ERBB4: variants seen among roughly 807,000 people sequenced by gnomAD.
ERBB4 encodes receptor tyrosine-protein kinase erbB-4.
A neutral mutation model predicts 158.0 loss-of-function variants in ERBB4; 42 were observed. That is an observed-to-expected ratio of 0.27 (90% confidence interval 0.21 to 0.34). The LOEUF (loss-of-function observed/expected upper bound fraction) is 0.34, where lower values mean the gene tolerates loss of function less well. ERBB4 is among the 10% of genes least tolerant of loss of function. ERBB4 has a pLI of 1.00. For synonymous variants in ERBB4, 583 were observed against 558.7 expected (o/e 1.04, Z -0.61); for missense variants, 1,333 against 1,624.1 (o/e 0.82, Z 3.08).
intron 1 of ERBB4, among the ~76,000 whole-genome samples, chr2:212,470,331 G>GA (rs889728537): frequency 1.3e-4 from 20 of 149,844 alleles, no homozygotes; most frequent in African/African-American, 2.7e-4. Flanking sequence ...GCTTTGAGGT[G>GA]AAAAAAAAAT....
intron 20 of ERBB4, among the ~76,000 whole-genome samples, chr2:211,454,544 T>A (rs1431346688): frequency 1.3e-5 from 2 of 150,894 alleles, no homozygotes; most frequent in Non-Finnish European, 3.0e-5. Context: ...CAAATGCATT[T>A]CTCTCTCTCT....
intron 13 of ERBB4, among the ~76,000 whole-genome samples, chr2:211,675,789 A>ATT (rs1474467035): frequency 2.9e-5 from 1 of 34,330 alleles, no homozygotes; most frequent in African/African-American, 7.7e-5. Context: ...ATAAAATATA[A>ATT]TATTATATAT....
At chr2:211,727,782 T>C (rs1297082904) in intron 5 of ERBB4, among the ~76,000 whole-genome samples, 3 of 152,028 alleles carry the variant, frequency 2.0e-5, no homozygotes, top group African/African-American at 7.2e-5. Context: ...TTATTCTCTA[T>C]GTAGTACAAC....
chr2:212,382,291 TATAC>T (rs2090529786), intron 1 of ERBB4, among the ~76,000 whole-genome samples: 1 of 150,272 alleles, frequency 6.7e-6, no homozygotes, highest in Admixed American at 6.7e-5. Flanking sequence ...CATACACATG[TATAC>T]ATATTCATAT....
intron 1 of ERBB4, among the ~76,000 whole-genome samples, chr2:212,432,406 ATAGT>A (rs2092049503): frequency 6.6e-6 from 1 of 152,118 alleles, no homozygotes; most frequent in Non-Finnish European, 1.5e-5. Context: ...TAAATAGTAA[ATAGT>A]TAGGATCATG....
At chr2:212,407,397 C>G (rs2091377468) in intron 1 of ERBB4, among the ~76,000 whole-genome samples, 1 of 151,928 alleles carries the variant, frequency 6.6e-6, no homozygotes, top group Admixed American at 6.6e-5. Context: ...CAATACATAA[C>G]TAACATTATT....
At chr2:211,411,507 C>G (rs570506362) in intron 25 of ERBB4, among the ~76,000 whole-genome samples, 53 of 152,254 alleles carry the variant, frequency 3.5e-4, no homozygotes, top group Non-Finnish European at 6.6e-4. Context: ...AGGAGAGGAG[C>G]TCTTTCTTAA....
intron 12 of ERBB4, among the ~76,000 whole-genome samples, chr2:211,682,380 G>C (rs2072383951): frequency 6.6e-6 from 1 of 152,066 alleles, no homozygotes; most frequent in Non-Finnish European, 1.5e-5. Context: ...TGGACCCTCA[G>C]TGTACCAGAT....
intron 1 of ERBB4, among the ~76,000 whole-genome samples, chr2:212,343,451 G>C (rs2088821233): frequency 6.6e-6 from 1 of 152,144 alleles, no homozygotes; most frequent in Non-Finnish European, 1.5e-5. Flanking sequence ...TTCCCTGTTA[G>C]AGTCAAAAGG....
chr2:212,334,732 C>T (rs528196874), intron 1 of ERBB4, among the ~76,000 whole-genome samples: 2 of 152,050 alleles, frequency 1.3e-5, no homozygotes, highest in South Asian at 4.1e-4. Flanking sequence ...AGCTACCTCT[C>T]AAGATTCATA....
intron 1 of ERBB4, among the ~76,000 whole-genome samples, chr2:212,513,814 A>AAAAT (rs144146912): frequency 0.076 from 11,477 of 151,844 alleles, 1,058 homozygotes; most frequent in African/African-American, 0.22. Flanking sequence ...TCCGTCTCAA[A>AAAAT]AAATAAATAA....
chr2:212,156,849 C>T (rs1228041037), intron 1 of ERBB4, among the ~76,000 whole-genome samples: 1 of 152,054 alleles, frequency 6.6e-6, no homozygotes. Context: ...GCTTCTATCT[C>T]CCTAATATCC....
At chr2:212,179,132 A>G (rs1159835558) in intron 1 of ERBB4, among the ~76,000 whole-genome samples, 1 of 151,604 alleles carries the variant, frequency 6.6e-6, no homozygotes, top group Non-Finnish European at 1.5e-5. Flanking sequence ...GAGTATGTAA[A>G]GCTCCTATGT....
intron 2 of ERBB4, among the ~76,000 whole-genome samples, chr2:212,112,290 A>T (rs2125542561): frequency 6.6e-6 from 1 of 152,164 alleles, no homozygotes; most frequent in East Asian, 1.9e-4. Flanking sequence ...CTGAATAGCA[A>T]AGGAGGTGAA....
chr2:212,344,508 G>T (rs1178260432), intron 1 of ERBB4, among the ~76,000 whole-genome samples: 2 of 151,818 alleles, frequency 1.3e-5, no homozygotes, highest in Non-Finnish European at 2.9e-5. Context: ...ATATGTGTGT[G>T]CATATATATG....
intron 1 of ERBB4, among the ~76,000 whole-genome samples, chr2:212,146,986 C>CTTTTTTTTTTT (rs34029473): frequency 2.6e-5 from 2 of 77,450 alleles, no homozygotes; most frequent in Non-Finnish European, 4.5e-5. Flanking sequence ...CATTGTTAGA[C>CTTTTTTTTTTT]TTTTTTTTTT....
chr2:212,122,951 C>T (rs921931905), intron 2 of ERBB4, among the ~76,000 whole-genome samples: 3 of 152,022 alleles, frequency 2.0e-5, no homozygotes, highest in Non-Finnish European at 4.4e-5. Context: ...TCTATTATTC[C>T]AATCTAATAG....
intron 2 of ERBB4, among the ~76,000 whole-genome samples, chr2:212,001,931 C>A (rs373930342): frequency 2.0e-5 from 3 of 152,068 alleles, no homozygotes; most frequent in African/African-American, 4.8e-5. Context: ...ATATTAATAG[C>A]GTGACCATTA....
intron 7 of ERBB4, among the ~76,000 whole-genome samples, chr2:211,718,674 C>T (rs1402399098): frequency 1.3e-5 from 2 of 151,842 alleles, no homozygotes; most frequent in Non-Finnish European, 2.9e-5. Flanking sequence ...AATTTATATA[C>T]TACTGATGAG....
Sources: gnomAD v4.1 joint callset for allele counts (sites outside exome capture counted in the v4.1 genomes callset) on GRCh38, gnomAD v4.1.1 for gene constraint, MANE v1.5 for transcripts, NCBI Gene and HGNC (gene_info 2026-07-23, HGNC 2026-07-21) for gene names.